CSNK1G3: variants seen among roughly 807,000 people sequenced by gnomAD.
The protein encoded by CSNK1G3 is casein kinase 1 gamma 3.
CSNK1G3 carries 23 observed loss-of-function variants against 64.3 expected under a neutral mutation model. The observed-to-expected ratio is 0.36, with a 90% confidence interval of 0.26 to 0.51. The LOEUF (loss-of-function observed/expected upper bound fraction) is 0.51. Ranked by LOEUF, CSNK1G3 falls within the 20% of genes least tolerant of loss-of-function variation. The pLI, the probability that CSNK1G3 is intolerant of heterozygous loss-of-function variation, is 0.96. For synonymous variants in CSNK1G3, 158 were observed against 162.2 expected, an observed-to-expected ratio of 0.97 and a Z score of 0.20; for missense variants, 357 against 510.5, an observed-to-expected ratio of 0.70 and a Z score of 2.90.
intron 10 of CSNK1G3, among the ~76,000 whole-genome samples, chr5:123,602,648 ATGGGAGCCT>A (rs1205915623): frequency 2.0e-5 from 3 of 152,132 alleles, no homozygotes; most frequent in Admixed American, 1.3e-4. Context: ...TTTAACTGAA[ATGGGAGCCT>A]TGGGAAGAGA....
exon 10 of CSNK1G3, chr5:123,591,325 C>T: frequency 3.1e-6 from 5 of 1,599,248 alleles, no homozygotes; most frequent in Non-Finnish European, 4.3e-6. Context: ...GTAGCCTACT[C>T]CAGTGGGTGC....
chr5:123,554,364 T>C (rs914756465), intron 3 of CSNK1G3, among the ~76,000 whole-genome samples: 2 of 152,176 alleles, frequency 1.3e-5, no homozygotes, highest in Non-Finnish European at 2.9e-5. Context: ...CAGTAATCAG[T>C]TCACACTATC....
At chr5:123,572,499 C>T (rs768216227) in intron 4 of CSNK1G3, among the ~76,000 whole-genome samples, 7 of 152,116 alleles carry the variant, frequency 4.6e-5, no homozygotes, top group African/African-American at 9.7e-5. Flanking sequence ...GTCAGGAATA[C>T]GGGCATGGCT....
intron 1 of CSNK1G3, among the ~76,000 whole-genome samples, chr5:123,542,888 T>G (rs1298779229): frequency 1.1e-5 from 1 of 92,746 alleles, no homozygotes; most frequent in East Asian, 2.4e-4. Context: ...GTGTGTGTGT[T>G]TACCAAATTT....
intron 4 of CSNK1G3, among the ~76,000 whole-genome samples, chr5:123,572,947 G>A (rs532168478): frequency 1.3e-5 from 2 of 152,200 alleles, no homozygotes; most frequent in African/African-American, 4.8e-5. Context: ...TTTATACAAG[G>A]TGTATAAGCC....
intron 1 of CSNK1G3, among the ~76,000 whole-genome samples, chr5:123,517,863 C>T (rs1777441257): frequency 6.7e-6 from 1 of 150,030 alleles, no homozygotes; most frequent in Admixed American, 6.7e-5. Flanking sequence ...AAGAAGTCTG[C>T]TTCTAAAACA....
chr5:123,591,422 G>C lies in CSNK1G3; in HGVS notation c.1086+8G>C. The C allele has an allele frequency of 1.9e-6, 3 of 1,592,530 alleles. No homozygotes were observed. Among genetic ancestry groups the C allele is most frequent in the Non-Finnish European group, 2.6e-6 (3 of 1,165,858 alleles). On this transcript the variant is annotated splice_region_variant and intron_variant, in intron 10 of 12. Transcript: ENST00000345990. The stretch of plus-strand genomic sequence containing the variant: ...CAACAATCCAAAAACCAGGTTTGCT[G>C]CCCTTTAGATATGAAATACCTTCCT...
At chr5:123,573,286 A>T in intron 4 of CSNK1G3, 107 bp from the exon 5 acceptor site, 1 of 1,156,086 alleles carries the variant, frequency 8.6e-7, no homozygotes, top group Non-Finnish European at 1.3e-6. Context: ...AAGTGATAGT[A>T]CTGCTTTAGT....
intron 1 of CSNK1G3, among the ~76,000 whole-genome samples, chr5:123,535,692 A>G (rs1780674173): frequency 6.6e-6 from 1 of 152,106 alleles, no homozygotes; most frequent in African/African-American, 2.4e-5. Context: ...TATTATTTTC[A>G]CTTCTTGACT....
intron 4 of CSNK1G3, among the ~76,000 whole-genome samples, chr5:123,564,157 A>G (rs1169561267): frequency 2.6e-5 from 4 of 151,998 alleles, no homozygotes; most frequent in Admixed American, 1.3e-4. Context: ...GAAGTATACA[A>G]TTTTTTTCTG....
rs541806072 is a variant in CSNK1G3 at position 123,538,662 on chromosome 5, A to G, written c.-247-6755A>G. Reference sequence around the variant, plus strand: ...GGTTTGATGGGTGCAGCATACCACCATGGCGCATGTATACCTGTGTAACAA... The same window carrying G: ...GGTTTGATGGGTGCAGCATACCACCGTGGCGCATGTATACCTGTGTAACAA... On this transcript the variant is annotated intron_variant, in intron 1 of 12. Coordinates refer to ENST00000345990, the Ensembl canonical transcript of CSNK1G3. Among the ~76,000 whole-genome samples the G allele has an allele frequency of 1.4e-3, 212 of 152,282 alleles. 2 individuals carry two copies. The highest frequency in any genetic ancestry group is 3.8e-3 in the African/African-American group (157 of 41,558).
intron 4 of CSNK1G3, among the ~76,000 whole-genome samples, chr5:123,559,904 C>A (rs1785351724): frequency 6.6e-6 from 1 of 151,970 alleles, no homozygotes; most frequent in South Asian, 2.1e-4. Flanking sequence ...AGTAACTCAA[C>A]CTATAATTTT....
intron 1 of CSNK1G3, 137 bp downstream of exon 1, chr5:123,512,707 C>T (rs1393259865): frequency 6.8e-6 from 1 of 147,942 alleles, no homozygotes; most frequent in East Asian, 2.0e-4. Flanking sequence ...GGCGGCGCCG[C>T]AGGCGCGGGT....
At chr5:123,552,491 T>C (rs1019579886) in intron 2 of CSNK1G3, among the ~76,000 whole-genome samples, 10 of 152,176 alleles carry the variant, frequency 6.6e-5, no homozygotes, top group Non-Finnish European at 1.5e-4. Context: ...ATGTGATAAA[T>C]ATTCTTTCTT....
intron 6 of CSNK1G3, among the ~76,000 whole-genome samples, chr5:123,583,806 A>G (rs1242460628): frequency 6.6e-6 from 1 of 152,048 alleles, no homozygotes; most frequent in Admixed American, 6.5e-5. Context: ...CAGCCTCCCT[A>G]GTAACTGGGA....
intron 12 of CSNK1G3, among the ~76,000 whole-genome samples, chr5:123,609,618 T>C (rs1304377156): frequency 1.3e-5 from 2 of 152,282 alleles, no homozygotes; most frequent in African/African-American, 4.8e-5. Flanking sequence ...ACTGTATAAC[T>C]CTTTTGGGAG....
At chr5:123,547,607 G>A (rs1189634804) in intron 2 of CSNK1G3, among the ~76,000 whole-genome samples, 1 of 152,122 alleles carries the variant, frequency 6.6e-6, no homozygotes, top group Non-Finnish European at 1.5e-5. Flanking sequence ...CTGTGAATAA[G>A]CAGGAATAGG....
intron 1 of CSNK1G3, among the ~76,000 whole-genome samples, chr5:123,532,966 CTT>C (rs1000736988): frequency 6.6e-6 from 1 of 151,814 alleles, no homozygotes; most frequent in African/African-American, 2.4e-5. Context: ...TAAGCATACA[CTT>C]TTCTCTTTGA....
At chr5:123,616,392 G>A (rs1407450810) in exon 13 of CSNK1G3, 1 of 152,388 alleles carries the variant, frequency 6.6e-6, no homozygotes, top group Non-Finnish European at 1.5e-5. Context: ...TTTTTGGATT[G>A]TACAGTGTTT....
Sources: allele counts gnomAD v4.1 joint callset (sites outside exome capture counted in the v4.1 genomes callset), GRCh38; gene constraint gnomAD v4.1.1; transcripts MANE v1.5; gene names NCBI Gene and HGNC (gene_info 2026-07-23, HGNC 2026-07-21).